The following UQCC4 variants were observed in gnomAD, a reference collection of about 807,000 sequenced individuals.
UQCC4 encodes ubiquinol-cytochrome c reductase complex assembly factor 4.
At chr16:1,420,533 G>T in the UQCC4 span, 13 of 1,614,040 alleles carry the variant, frequency 8.1e-6, no homozygotes, top group Non-Finnish European at 1.1e-5. Flanking sequence ...TCGGCGGCAG[G>T]GTGGGCCCGA....
At chr16:1,420,550 G>C in the UQCC4 span, 2 of 1,613,218 alleles carry the variant, frequency 1.2e-6, no homozygotes, top group Non-Finnish European at 1.7e-6. Flanking sequence ...CCGATCCCGG[G>C]AACCGGGCAA....
the UQCC4 span, chr16:1,420,466 T>C: frequency 3.1e-6 from 5 of 1,614,080 alleles, no homozygotes; most frequent in Non-Finnish European, 3.4e-6. Flanking sequence ...CGACCAGCGG[T>C]GAGGGTTGGC....
chr16:1,420,457 G>A, the UQCC4 span: 3 of 1,614,240 alleles, frequency 1.9e-6, no homozygotes, highest in East Asian at 2.2e-5. Flanking sequence ...ATGGCCCACC[G>A]ACCAGCGGTG....
the UQCC4 span, chr16:1,420,292 C>A: frequency 6.2e-7 from 1 of 1,614,054 alleles, no homozygotes; most frequent in Admixed American, 1.7e-5. Flanking sequence ...CTCCTCAGAA[C>A]GATCACTGGG....
the UQCC4 span, chr16:1,420,364 T>A: frequency 1.5e-5 from 24 of 1,614,086 alleles, no homozygotes; most frequent in Middle Eastern, 3.3e-4. Flanking sequence ...CTCCCTCAGG[T>A]AGCACCAGAT....
At chr16:1,419,781 C>A in the UQCC4 span, 1 of 633,438 alleles carries the variant, frequency 1.6e-6, no homozygotes, top group South Asian at 2.1e-5. Context: ...AATTTATTTT[C>A]ATTTGTTGTT....
At chr16:1,420,485 A>G in the UQCC4 span, 1 of 1,614,210 alleles carries the variant, frequency 6.2e-7, no homozygotes, top group Non-Finnish European at 8.5e-7. Context: ...GCTTTGCTGG[A>G]GGAAAACTCA....
At chr16:1,420,044 G>A in the UQCC4 span, 1 of 1,611,380 alleles carries the variant, frequency 6.2e-7, no homozygotes, top group Non-Finnish European at 8.5e-7. Flanking sequence ...TGGACATCAA[G>A]AGCCAGGCGA....
At chr16:1,419,790 T>C in the UQCC4 span, 1 of 687,414 alleles carries the variant, frequency 1.5e-6, no homozygotes, top group Non-Finnish European at 2.0e-6. Flanking sequence ...TCATTTGTTG[T>C]TGTGTAAAAC....
the UQCC4 span, chr16:1,420,084 C>A: frequency 6.2e-7 from 1 of 1,613,192 alleles, no homozygotes; most frequent in Non-Finnish European, 8.5e-7. Context: ...TGAGATTCTG[C>A]TCCGCCTTCA....
the UQCC4 span, chr16:1,420,562 G>A: frequency 3.7e-6 from 6 of 1,611,748 alleles, no homozygotes; most frequent in Non-Finnish European, 5.1e-6. Context: ...ACCGGGCAAC[G>A]GATGAAGGCT....
the UQCC4 span, chr16:1,419,986 A>G: frequency 6.3e-7 from 1 of 1,591,824 alleles, no homozygotes; most frequent in Non-Finnish European, 8.6e-7. Flanking sequence ...CATACAGTGC[A>G]ACTGAAACCT....
the UQCC4 span, chr16:1,420,733 G>C: frequency 6.5e-7 from 1 of 1,537,276 alleles, no homozygotes; most frequent in African/African-American, 1.4e-5. Flanking sequence ...TTGCTGCCTT[G>C]ACTCCTCGAC....
the UQCC4 span, chr16:1,420,202 G>T: frequency 6.2e-7 from 1 of 1,613,930 alleles, no homozygotes; most frequent in East Asian, 2.2e-5. Context: ...AAATCCGAAG[G>T]GCGGCTGTCG....
At chr16:1,420,061 G>A in the UQCC4 span, 3 of 1,612,694 alleles carry the variant, frequency 1.9e-6, no homozygotes, top group Non-Finnish European at 2.5e-6. Flanking sequence ...GCGAGGAGCA[G>A]TTTCCGATCT....
chr16:1,420,367 C>T, the UQCC4 span: 1 of 1,614,244 alleles, frequency 6.2e-7, no homozygotes, highest in Non-Finnish European at 8.5e-7. Flanking sequence ...CCTCAGGTAG[C>T]ACCAGATGAT....
chr16:1,420,373 A>G, the UQCC4 span: 1 of 1,614,214 alleles, frequency 6.2e-7, no homozygotes, highest in Non-Finnish European at 8.5e-7. Context: ...GTAGCACCAG[A>G]TGATCAGCGC....
the UQCC4 span, chr16:1,420,442 A>C: frequency 6.2e-7 from 1 of 1,614,118 alleles, no homozygotes; most frequent in Non-Finnish European, 8.5e-7. Context: ...TCCCTTTCCC[A>C]TGGTATGGCC....
chr16:1,420,349 C>T, the UQCC4 span: 1 of 1,614,238 alleles, frequency 6.2e-7, no homozygotes, highest in Non-Finnish European at 8.5e-7. Context: ...GTCCGCCTCG[C>T]TCTCCTCCCT....
Sources: allele counts gnomAD v4.1 joint callset, GRCh38; gene constraint gnomAD v4.1.1; transcripts MANE v1.5; gene names NCBI Gene and HGNC (gene_info 2026-07-23, HGNC 2026-07-21).